Variants in MARCHF1 observed in about 807,000 individuals in gnomAD.
MARCHF1 encodes membrane associated ring-CH-type finger 1.
Under a neutral mutation model 54.2 loss-of-function variants are expected in MARCHF1, and 40 were observed. That is an observed-to-expected ratio of 0.74 (90% CI 0.57 to 0.96). The LOEUF (loss-of-function observed/expected upper bound fraction) is 0.96, where lower values mean the gene tolerates loss of function less well. Ranked by LOEUF, MARCHF1 falls within the 40% of genes least tolerant of loss-of-function variation. The pLI is 0.00. For synonymous variants in MARCHF1, 236 were observed against 236.3 expected (o/e 1.00, Z 0.01); for missense variants, 586 against 656.5 (o/e 0.89, Z 1.17).
intron 1 of MARCHF1, among the ~76,000 whole-genome samples, chr4:164,380,793 G>T (rs1162952046): frequency 6.6e-6 from 1 of 152,082 alleles, no homozygotes; most frequent in African/African-American, 2.4e-5. Flanking sequence ...TTCAGCCAAG[G>T]TTTTACTGAC....
chr4:163,899,616 G>A (rs1346940543), intron 3 of MARCHF1, among the ~76,000 whole-genome samples: 1 of 152,020 alleles, frequency 6.6e-6, no homozygotes, highest in Non-Finnish European at 1.5e-5. Context: ...AAATGACGAT[G>A]ACTCTCAAAT....
chr4:164,099,174 T>G (rs991484425), intron 2 of MARCHF1, among the ~76,000 whole-genome samples: 1 of 152,124 alleles, frequency 6.6e-6, no homozygotes, highest in Non-Finnish European at 1.5e-5. Context: ...GGGTGCTTAA[T>G]CCACAGGAGA....
intron 8 of MARCHF1, among the ~76,000 whole-genome samples, chr4:163,546,135 G>A (rs1051051378): frequency 6.6e-6 from 1 of 151,922 alleles, no homozygotes. Flanking sequence ...CACCATGCCT[G>A]GCTAATTTTT....
intron 1 of MARCHF1, among the ~76,000 whole-genome samples, chr4:164,244,852 A>G (rs1280371038): frequency 6.6e-6 from 1 of 151,876 alleles, no homozygotes; most frequent in Non-Finnish European, 1.5e-5. Flanking sequence ...AAACTAGAAA[A>G]TCTAGAAGAA....
chr4:164,182,883 ACTT>A (rs1324189375), intron 1 of MARCHF1, among the ~76,000 whole-genome samples: 2 of 151,926 alleles, frequency 1.3e-5, no homozygotes, highest in African/African-American at 4.8e-5. Context: ...TAGACATAAG[ACTT>A]CTTATTTTAA....
At position 163,959,452 on chromosome 4, in the gene MARCHF1, G is replaced by T. The variant is rs187422098; in HGVS notation, c.-39+29049C>A. On this transcript the variant is annotated intron_variant, in intron 3 of 9. Coordinates refer to ENST00000514618, the MANE Select transcript of MARCHF1 (RefSeq NM_001394959.1). ...ACAGTAACCAAGACAGCATGGTATT[G>T]GTACAAAAACAAGCACATAGACCAA... Among the ~76,000 whole-genome samples the T allele has an allele frequency of 2.4e-3, 364 of 151,902 alleles. 3 individuals are homozygous for T. The highest frequency in any genetic ancestry group is 8.5e-3 in the African/African-American group (351 of 41,452).
At chr4:163,985,740 T>G (rs1579441398) in intron 3 of MARCHF1, among the ~76,000 whole-genome samples, 1 of 152,328 alleles carries the variant, frequency 6.6e-6, no homozygotes, top group Non-Finnish European at 1.5e-5. Flanking sequence ...TAATTTAAAT[T>G]AATTACAACT....
chr4:163,922,625 AGT>A (rs1408302940), intron 3 of MARCHF1, among the ~76,000 whole-genome samples: 3 of 152,314 alleles, frequency 2.0e-5, no homozygotes, highest in South Asian at 2.1e-4. Flanking sequence ...TTGAATTAGT[AGT>A]GTTTGCTTTT....
rs146956086 is a variant in MARCHF1 at position 163,796,273 on chromosome 4, C to CTGGAGTG, written c.111+57741_111+57747dup. The stretch of plus-strand genomic sequence containing the variant: ...ACAGAGCCTGGCTCTGTCACACAGG[C>CTGGAGTG]TGGAGTGCAGTGGCACGATCACAGC... On this transcript the variant is annotated intron_variant, in intron 4 of 9. Coordinates refer to ENST00000514618, the MANE Select transcript of MARCHF1 (RefSeq NM_001394959.1). Among the ~76,000 whole-genome samples the CTGGAGTG allele has an allele frequency of 7.4e-3, 956 of 129,916 alleles. 5 individuals carry two copies. Among genetic ancestry groups the CTGGAGTG allele is most frequent in the South Asian group, 0.031 (123 of 3,936 alleles). 85.2% of individuals were successfully genotyped at this position (129,916 alleles called of 152,430 possible).
At chr4:164,188,596 A>G in intron 1 of MARCHF1, 1 of 842,214 alleles carries the variant, frequency 1.2e-6, no homozygotes, top group South Asian at 1.3e-5. Context: ...TTGAAGGGGA[A>G]TATCTGATCG....
intron 5 of MARCHF1, among the ~76,000 whole-genome samples, chr4:163,642,871 A>G (rs1742601964): frequency 6.6e-6 from 1 of 152,180 alleles, no homozygotes; most frequent in African/African-American, 2.4e-5. Context: ...AAGTATTTAG[A>G]TTAAAATAAG....
intron 2 of MARCHF1, among the ~76,000 whole-genome samples, chr4:164,084,582 A>T (rs1447785675): frequency 6.6e-6 from 1 of 151,940 alleles, no homozygotes; most frequent in Non-Finnish European, 1.5e-5. Flanking sequence ...TAATTTGCTA[A>T]TCTAAGCTAC....
intron 1 of MARCHF1, among the ~76,000 whole-genome samples, chr4:164,215,068 G>A (rs1291970365): frequency 1.3e-5 from 2 of 152,196 alleles, no homozygotes; most frequent in African/African-American, 4.8e-5. Context: ...GTCGGCTTGT[G>A]TTCATCAGCT....
chr4:164,174,749 G>A (rs1489579765), intron 1 of MARCHF1, among the ~76,000 whole-genome samples: 2 of 152,184 alleles, frequency 1.3e-5, no homozygotes, highest in African/African-American at 4.8e-5. Context: ...AACAGTAGTA[G>A]ATAGTTGTAT....
intron 3 of MARCHF1, among the ~76,000 whole-genome samples, chr4:163,982,682 C>T (rs1346293019): frequency 1.3e-5 from 2 of 152,148 alleles, no homozygotes; most frequent in African/African-American, 2.4e-5. Context: ...CAATATTACC[C>T]AGAGTCTATT....
chr4:164,253,512 T>A (rs1335617364), intron 1 of MARCHF1, among the ~76,000 whole-genome samples: 1 of 152,144 alleles, frequency 6.6e-6, no homozygotes, highest in Admixed American at 6.6e-5. Flanking sequence ...GACAGTAGGA[T>A]GGTAGCAGTG....
intron 3 of MARCHF1, among the ~76,000 whole-genome samples, chr4:163,933,736 A>C (rs980971131): frequency 2.6e-5 from 4 of 152,240 alleles, no homozygotes; most frequent in African/African-American, 9.6e-5. Context: ...GGAATCCAGA[A>C]GTATTAAATT....
chr4:163,804,054 T>A (rs1210345772), intron 4 of MARCHF1, among the ~76,000 whole-genome samples: 2 of 152,300 alleles, frequency 1.3e-5, no homozygotes, highest in East Asian at 3.9e-4. Context: ...TGAGAAAAAA[T>A]AATTCTTGAG....
intron 7 of MARCHF1, among the ~76,000 whole-genome samples, chr4:163,593,042 C>G (rs966702560): frequency 1.3e-5 from 2 of 152,066 alleles, no homozygotes; most frequent in African/African-American, 4.8e-5. Flanking sequence ...CTTTACTGCC[C>G]TCTCTATACT....
Sources: gnomAD v4.1 joint callset for allele counts (sites outside exome capture counted in the v4.1 genomes callset) on GRCh38, gnomAD v4.1.1 for gene constraint, MANE v1.5 for transcripts, NCBI Gene and HGNC (gene_info 2026-07-23, HGNC 2026-07-21) for gene names.